The following SEPTIN7 variants were observed in gnomAD, a reference collection of about 807,000 sequenced individuals.
SEPTIN7 encodes the protein septin 7.
A neutral mutation model predicts 63.3 loss-of-function variants in SEPTIN7; 10 were observed. The ratio of observed to expected loss-of-function variants is 0.16; its 90% CI spans 0.10 to 0.27. The LOEUF (loss-of-function observed/expected upper bound fraction) is 0.27. SEPTIN7 is among the 10% of genes least tolerant of loss of function. The pLI is 1.00. For missense variants in SEPTIN7, 310 were observed against 521.0 expected (o/e 0.59, Z 3.94); for synonymous variants, 131 against 165.3 (o/e 0.79, Z 1.59).
In SEPTIN7 at chr7:35,904,425, T is replaced by G. The variant is rs1308382233; in HGVS notation, c.*132T>G. 9 of 639,680 alleles carry G rather than the reference T, an allele frequency of 1.4e-5. No homozygotes were observed. Among genetic ancestry groups the G allele is most frequent in the Admixed American group, 4.0e-5 (1 of 24,918 alleles). The allele number at this position is 639,680 out of a possible 1,614,324, so 39.6% of individuals were successfully genotyped here. ...ATGGATTTAACAGCATGACAAAAATTATTTTTTTTTTTGTTCTTGATGGAG... is the reference window on the plus strand; with the variant it reads ...ATGGATTTAACAGCATGACAAAAATGATTTTTTTTTTTGTTCTTGATGGAG... On this transcript the variant is annotated 3_prime_UTR_variant, in exon 14 of 14. Transcript: ENST00000350320.
intron 1 of SEPTIN7, among the ~76,000 whole-genome samples, chr7:35,829,057 C>T (rs1259030940): frequency 7.2e-5 from 11 of 151,862 alleles, no homozygotes; most frequent in African/African-American, 2.7e-4. Flanking sequence ...CCCCTGCTTG[C>T]CTCCCTGACC....
intron 3 of SEPTIN7, 131 bp downstream of exon 3, chr7:35,833,031 G>A: frequency 1.7e-6 from 1 of 596,348 alleles, no homozygotes; most frequent in Non-Finnish European, 3.0e-6. Context: ...TTTCTCTTAT[G>A]TGCATACATT....
intron 1 of SEPTIN7, among the ~76,000 whole-genome samples, chr7:35,824,893 C>A (rs1783421758): frequency 1.3e-5 from 2 of 152,046 alleles, no homozygotes; most frequent in African/African-American, 4.8e-5. Flanking sequence ...ATTTTTGATT[C>A]TTATACTAAG....
intron 3 of SEPTIN7, among the ~76,000 whole-genome samples, chr7:35,836,854 A>G (rs371272278): frequency 2.6e-4 from 39 of 152,226 alleles, no homozygotes; most frequent in African/African-American, 8.9e-4. Flanking sequence ...AGATATGTTA[A>G]TTCCGTGAAA....
rs1252793862 is a variant in SEPTIN7, at chr7:35,832,456, A to G, written c.67-342A>G. 4.6e-5 allele frequency among the ~76,000 whole-genome samples: 7 copies of G among 151,992 alleles called. 1 individual carries two copies. Among genetic ancestry groups the G allele is most frequent in the South Asian group, 4.1e-4 (2 of 4,830 alleles). ...ATATGAAGGGGATTTGAATTTTTTT[A>G]TTGTGAAGAATCCTTTGTTATTTTG... On this transcript the variant is annotated intron_variant, in intron 2 of 13. Coordinates refer to ENST00000350320, the MANE Select transcript of SEPTIN7 (RefSeq NM_001788.6).
chr7:35,853,225 C>T (rs553514077), intron 3 of SEPTIN7, among the ~76,000 whole-genome samples: 93 of 152,146 alleles, frequency 6.1e-4, no homozygotes, highest in African/African-American at 2.1e-3. Context: ...TGAATCCAGG[C>T]GTTTGAGACC....
intron 4 of SEPTIN7, 125 bp from the exon 5 acceptor site, chr7:35,872,541 T>C: frequency 1.5e-6 from 1 of 685,878 alleles, no homozygotes; most frequent in East Asian, 2.5e-5. Flanking sequence ...TGGTAGTAGG[T>C]AGATTTAGTT....
chr7:35,872,270 A>G (rs1243362850), intron 4 of SEPTIN7, among the ~76,000 whole-genome samples: 1 of 152,206 alleles, frequency 6.6e-6, no homozygotes. Context: ...TTCTCTGATT[A>G]ATTACATTTG....
At chr7:35,877,395 T>C (rs1291966477) in intron 6 of SEPTIN7, among the ~76,000 whole-genome samples, 1 of 152,200 alleles carries the variant, frequency 6.6e-6, no homozygotes, top group Admixed American at 6.5e-5. Context: ...GTAATCTTTG[T>C]TAGTAAAAAG....
the SEPTIN7 span, among the ~76,000 whole-genome samples, chr7:35,913,162 G>A: frequency 1.3e-5 from 2 of 152,054 alleles, no homozygotes; most frequent in African/African-American, 2.4e-5. Context: ...TTCCTCAGAG[G>A]GTTATGGACT....
intron 1 of SEPTIN7, among the ~76,000 whole-genome samples, chr7:35,809,054 A>C (rs1326095107): frequency 6.6e-6 from 1 of 152,230 alleles, no homozygotes; most frequent in Non-Finnish European, 1.5e-5. Flanking sequence ...GTATCATAAC[A>C]TTGATGTTAA....
In SEPTIN7 at chr7:35,898,402, C is replaced by T. The variant is rs1788081709; in HGVS notation, c.1134+19C>T. On this transcript the variant is annotated intron_variant, in intron 12 of 13. Transcript: ENST00000350320. ...AGCTGAGGTAATCAGTCTAATATCCCATCTCTTAGCAGACATTGTGTTCCT... is the reference window on the plus strand; with the variant it reads ...AGCTGAGGTAATCAGTCTAATATCCTATCTCTTAGCAGACATTGTGTTCCT... 2.0e-6 allele frequency: 3 copies of T among 1,475,696 alleles called. No individual in the cohort carries two copies. The highest frequency in any genetic ancestry group is 1.3e-5 in the South Asian group (1 of 77,694). The allele number at this position is 1,475,696 out of a possible 1,614,324, so 91.4% of individuals were successfully genotyped here. A position where few individuals can be genotyped will look rare whatever the true frequency, so the allele number is the denominator to read the frequency against.
intron 3 of SEPTIN7, among the ~76,000 whole-genome samples, chr7:35,856,989 C>T (rs1245907913): frequency 6.6e-6 from 1 of 152,014 alleles, no homozygotes; most frequent in Non-Finnish European, 1.5e-5. Context: ...TTCCTCCTTC[C>T]TTGATTCTAA....
chr7:35,823,459 C>T (rs924179333), intron 1 of SEPTIN7, among the ~76,000 whole-genome samples: 1 of 152,200 alleles, frequency 6.6e-6, no homozygotes. Flanking sequence ...CCTCAGCCTC[C>T]CAAAGTACTG....
chr7:35,852,907 A>G (rs1785029019), intron 3 of SEPTIN7, among the ~76,000 whole-genome samples: 1 of 152,076 alleles, frequency 6.6e-6, no homozygotes. Context: ...ACGTAGATCT[A>G]TTATTGTATC....
chr7:35,875,149 A>G (rs1050832348), intron 6 of SEPTIN7, among the ~76,000 whole-genome samples: 35 of 152,158 alleles, frequency 2.3e-4, no homozygotes, highest in African/African-American at 8.4e-4. Flanking sequence ...CTAAAATTGC[A>G]TGGGAAATGA....
At chr7:35,860,844 T>A (rs904812692) in intron 3 of SEPTIN7, among the ~76,000 whole-genome samples, 1 of 152,138 alleles carries the variant, frequency 6.6e-6, no homozygotes, top group Non-Finnish European at 1.5e-5. Context: ...TTATTTGGAG[T>A]TTGTTGAGAT....
chr7:35,826,179 A>G (rs1352907450), intron 1 of SEPTIN7, among the ~76,000 whole-genome samples: 1 of 151,976 alleles, frequency 6.6e-6, no homozygotes, highest in Non-Finnish European at 1.5e-5. Context: ...AGGCTGTATG[A>G]GAGATGGTAG....
chr7:35,801,026 T>A (rs1787911449), upstream of SEPTIN7: 2 of 461,494 alleles, frequency 4.3e-6, no homozygotes, highest in Non-Finnish European at 7.6e-6. Flanking sequence ...AAGCCTCGTC[T>A]GAGGGGGCGG....
Sources: gnomAD v4.1 joint callset for allele counts (sites outside exome capture counted in the v4.1 genomes callset) on GRCh38, gnomAD v4.1.1 for gene constraint, MANE v1.5 for transcripts, NCBI Gene and HGNC (gene_info 2026-07-23, HGNC 2026-07-21) for gene names.